UXS1: variants seen among roughly 807,000 people sequenced by gnomAD.
UXS1 encodes UDP-glucuronic acid decarboxylase 1.
A neutral mutation model predicts 62.6 loss-of-function variants in UXS1; 33 were observed. The observed-to-expected ratio is 0.53, with a 90% confidence interval of 0.40 to 0.70. The LOEUF (loss-of-function observed/expected upper bound fraction) is 0.70, where lower values mean the gene tolerates loss of function less well. UXS1 is among the 30% of genes least tolerant of loss of function. UXS1 has a pLI of 0.00. For synonymous variants in UXS1, 213 were observed against 206.8 expected (o/e 1.03, Z -0.26); for missense variants, 434 against 556.3 (o/e 0.78, Z 2.21).
In UXS1 at chr2:106,161,882, C is replaced by A. The variant is rs73951234; in HGVS notation, c.230+1785G>T. 6.2e-3 allele frequency among the ~76,000 whole-genome samples: 943 copies of A among 152,256 alleles called. 14 individuals carry two copies. The highest frequency in any genetic ancestry group is 0.022 in the African/African-American group (925 of 41,536). On this transcript the variant is annotated intron_variant, in intron 4 of 14. Transcript: ENST00000283148. ...TCTTTCTTTCCCTGTACAAATATAA[C>A]CTGTAACTTCCAAAAATATCTTTAG...
chr2:106,156,481 CAAAAGGTT>C (rs1682433412), intron 5 of UXS1, among the ~76,000 whole-genome samples: 1 of 152,164 alleles, frequency 6.6e-6, no homozygotes, highest in African/African-American at 2.4e-5. Flanking sequence ...AGCAGTTCCT[CAAAAGGTT>C]AAAGAGAGTC....
intron 10 of UXS1, among the ~76,000 whole-genome samples, chr2:106,108,993 C>A (rs951040176): frequency 6.6e-6 from 1 of 152,118 alleles, no homozygotes; most frequent in Admixed American, 6.5e-5. Context: ...CCCCCCATAT[C>A]CCCTAGAGTG....
chr2:106,161,102 G>T (rs999260539), intron 4 of UXS1, among the ~76,000 whole-genome samples: 1 of 142,102 alleles, frequency 7.0e-6, no homozygotes, highest in Non-Finnish European at 1.5e-5. Flanking sequence ...TGTGGGTGCC[G>T]TTGGCTGGGC....
chr2:106,120,764 A>G (rs973796804), intron 9 of UXS1, among the ~76,000 whole-genome samples: 3 of 152,232 alleles, frequency 2.0e-5, no homozygotes, highest in Non-Finnish European at 4.4e-5. Context: ...TGGCCACAGA[A>G]GTGACTCTTG....
intron 2 of UXS1, 29 bp from the exon 3 acceptor site, chr2:106,164,828 T>G (rs769264176): frequency 5.9e-6 from 9 of 1,530,872 alleles, no homozygotes; most frequent in Admixed American, 2.1e-5. Context: ...CTGAAAGGCT[T>G]TGTGACTTTA....
intron 12 of UXS1, among the ~76,000 whole-genome samples, chr2:106,099,099 T>G (rs1464992468): frequency 1.3e-5 from 2 of 152,208 alleles, no homozygotes; most frequent in Non-Finnish European, 2.9e-5. Context: ...AATGTCACTT[T>G]TATAAAAGCT....
At chr2:106,191,135 G>A (rs1483211839) in intron 1 of UXS1, among the ~76,000 whole-genome samples, 1 of 152,138 alleles carries the variant, frequency 6.6e-6, no homozygotes, top group Non-Finnish European at 1.5e-5. Flanking sequence ...GAAGAGTTAT[G>A]TGGTATCAAG....
At chr2:106,173,829 T>A (rs1683710961) in intron 1 of UXS1, among the ~76,000 whole-genome samples, 1 of 152,228 alleles carries the variant, frequency 6.6e-6, no homozygotes. Flanking sequence ...AGCTCTTGGA[T>A]CTTACAAAAA....
chr2:106,182,675 T>C (rs1179134315), intron 1 of UXS1, among the ~76,000 whole-genome samples: 1 of 152,138 alleles, frequency 6.6e-6, no homozygotes, highest in Non-Finnish European at 1.5e-5. Context: ...GGGCTGTCAG[T>C]GCTCTGGGCT....
At chr2:106,127,509 G>C (rs1680059678) in intron 7 of UXS1, among the ~76,000 whole-genome samples, 1 of 152,162 alleles carries the variant, frequency 6.6e-6, no homozygotes. Flanking sequence ...ACTCACGCAG[G>C]ATCTACAGAG....
chr2:106,111,339 G>A (rs990957218), intron 10 of UXS1, among the ~76,000 whole-genome samples: 2 of 152,208 alleles, frequency 1.3e-5, no homozygotes, highest in Non-Finnish European at 2.9e-5. Flanking sequence ...ACAGGGGGAG[G>A]TGGGAGAGCT....
chr2:106,152,514 GGAGGGAAAA>G (rs1242446187), intron 5 of UXS1, among the ~76,000 whole-genome samples: 4 of 125,378 alleles, frequency 3.2e-5, no homozygotes, highest in African/African-American at 5.9e-5. Context: ...AGGGAGGGAG[GGAGGGAAAA>G]GAAAAGAAAG....
At chr2:106,188,403 G>A (rs746638191) in intron 1 of UXS1, among the ~76,000 whole-genome samples, 30 of 152,202 alleles carry the variant, frequency 2.0e-4, no homozygotes, top group Non-Finnish European at 4.3e-4. Flanking sequence ...CATCTGCAAT[G>A]GGTGTGGAGG....
intron 8 of UXS1, among the ~76,000 whole-genome samples, chr2:106,123,313 A>G (rs1240785582): frequency 1.3e-5 from 2 of 152,098 alleles, no homozygotes; most frequent in East Asian, 1.9e-4. Flanking sequence ...AAAAAAAAAG[A>G]AAAAGATCAG....
chr2:106,115,564 A>T (rs995310026), intron 9 of UXS1, among the ~76,000 whole-genome samples: 7 of 152,200 alleles, frequency 4.6e-5, no homozygotes, highest in Non-Finnish European at 5.9e-5. Context: ...AACTCCTACA[A>T]GCCTGAGCTG....
At chr2:106,138,716 C>CG in intron 6 of UXS1, 1 of 985,444 alleles carries the variant, frequency 1.0e-6, no homozygotes, top group Non-Finnish European at 1.2e-6. Flanking sequence ...GGCTGAGGGC[C>CG]GCCCCATCAG....
At chr2:106,184,148 C>T (rs1684414774) in intron 1 of UXS1, among the ~76,000 whole-genome samples, 1 of 152,146 alleles carries the variant, frequency 6.6e-6, no homozygotes, top group Non-Finnish European at 1.5e-5. Flanking sequence ...GGCAAAATCG[C>T]ACCACTGCAT....
intron 5 of UXS1, among the ~76,000 whole-genome samples, chr2:106,156,792 T>C (rs921566617): frequency 1.3e-5 from 2 of 152,204 alleles, no homozygotes; most frequent in South Asian, 2.1e-4. Context: ...CCATAACCAT[T>C]GTGCACCTAA....
In UXS1 at chr2:106,105,329, G is replaced by A. The variant is rs138548846; in HGVS notation, c.880-492C>T. ...TGGTATTGTTACAGCTAGCTCCCCA[G>A]GAGATTCTAATATAAGGCCAAGGTG... On this transcript the variant is annotated intron_variant, in intron 10 of 14. Coordinates refer to ENST00000283148, the MANE Select transcript of UXS1 (RefSeq NM_001253875.2). Among the ~76,000 whole-genome samples the A allele has an allele frequency of 7.9e-5, 12 of 152,302 alleles. 1 individual carries two copies. Among genetic ancestry groups the A allele is most frequent in the Admixed American group, 2.0e-4 (3 of 15,306 alleles).
Sources: gnomAD v4.1 joint callset for allele counts (sites outside exome capture counted in the v4.1 genomes callset) on GRCh38, gnomAD v4.1.1 for gene constraint, MANE v1.5 for transcripts, NCBI Gene and HGNC (gene_info 2026-07-23, HGNC 2026-07-21) for gene names.